The following PLXNA4 variants were observed in gnomAD, a reference collection of about 807,000 sequenced individuals.
The protein encoded by PLXNA4 is plexin A4, also known as plexin-A4.
A neutral mutation model predicts 191.8 loss-of-function variants in PLXNA4; 44 were observed. That is an observed-to-expected ratio of 0.23 (90% CI 0.18 to 0.29). The LOEUF (loss-of-function observed/expected upper bound fraction) is 0.29, where lower values mean the gene tolerates loss of function less well. Ranked by LOEUF, PLXNA4 falls within the 10% of genes least tolerant of loss-of-function variation. The pLI is 1.00. For missense variants in PLXNA4, 1,800 were observed against 2,488.8 expected (o/e 0.72, Z 5.89); for synonymous variants, 1,082 against 1,009.5 (o/e 1.07, Z -1.36).
chr7:132,463,651 T>A (rs977306866), intron 3 of PLXNA4, among the ~76,000 whole-genome samples: 4 of 152,212 alleles, frequency 2.6e-5, no homozygotes, highest in Admixed American at 1.3e-4. Flanking sequence ...TGGACTTCAC[T>A]GCTATTATTT....
At chr7:132,487,753 A>T (rs931837997) in intron 3 of PLXNA4, among the ~76,000 whole-genome samples, 8 of 152,268 alleles carry the variant, frequency 5.3e-5, no homozygotes, top group Non-Finnish European at 1.2e-4. Flanking sequence ...CAAAAATCAG[A>T]CACAGGAGCT....
intron 1 of PLXNA4, among the ~76,000 whole-genome samples, chr7:132,564,849 C>T (rs573024264): frequency 3.2e-4 from 49 of 152,240 alleles, no homozygotes; most frequent in African/African-American, 7.5e-4. Flanking sequence ...GAGATCCCCC[C>T]GGGGACCCAG....
At chr7:132,646,987 T>C (rs11972324) in intron 1 of PLXNA4, among the ~76,000 whole-genome samples, 15,259 of 150,234 alleles carry the variant, frequency 0.1, 1,286 homozygotes, top group East Asian at 0.36. Flanking sequence ...CCACATGCTA[T>C]CATATACACA....
In PLXNA4 at chr7:132,484,937, A is replaced by G. The variant is rs368330529; in HGVS notation, c.1371+4355T>C. On this transcript the variant is annotated intron_variant, in intron 3 of 31. Transcript: ENST00000321063. ...ACACAGCATCTGTTCCTGAGAAGCAATGTTCGCCCCAGGTGGGTCTCCCTC... is the reference window on the plus strand; with the variant it reads ...ACACAGCATCTGTTCCTGAGAAGCAGTGTTCGCCCCAGGTGGGTCTCCCTC... The G allele has an allele frequency of 4.0e-5, 64 of 1,614,048 alleles. No homozygotes were observed. The highest frequency in any genetic ancestry group is 5.1e-5 in the Non-Finnish European group (60 of 1,180,026).
chr7:132,563,094 T>TTCC (rs144617247), intron 1 of PLXNA4, among the ~76,000 whole-genome samples: 14,697 of 33,734 alleles, frequency 0.44, 3,921 homozygotes, highest in Middle Eastern at 0.5. Flanking sequence ...CCTCCTCTTC[T>TTCC]TCCTCCTCCT....
At chr7:132,140,536 T>G in intron 30 of PLXNA4, 63 bp downstream of exon 30, 1 of 1,585,970 alleles carries the variant, frequency 6.3e-7, no homozygotes, top group Non-Finnish European at 8.6e-7. Context: ...AGGGGACCTT[T>G]TGTTGAGGGA....
At chr7:132,282,065 A>T (rs73157255) in intron 4 of PLXNA4, among the ~76,000 whole-genome samples, 7,716 of 152,260 alleles carry the variant, frequency 0.051, 305 homozygotes, top group African/African-American at 0.1. Context: ...TGCATGAATG[A>T]CTGATGCATA....
intron 25 of PLXNA4, among the ~76,000 whole-genome samples, chr7:132,156,173 CACACACACAG>C (rs1795790603): frequency 6.7e-6 from 1 of 149,386 alleles, no homozygotes; most frequent in South Asian, 2.1e-4. Context: ...CACACACACA[CACACACACAG>C]ACGCACACAC....
In PLXNA4 at chr7:132,174,925, C is replaced by A. The variant is rs747637436; in HGVS notation, c.3875-5G>T. 6.2e-7 allele frequency: 1 copy of A among 1,613,818 alleles called. No individual in the cohort carries two copies. Among genetic ancestry groups the A allele is most frequent in the Non-Finnish European group, 8.5e-7 (1 of 1,179,758 alleles). On this transcript the variant is annotated splice_region_variant and splice_polypyrimidine_tract_variant and intron_variant, in intron 20 of 31. Coordinates refer to ENST00000321063, the MANE Select transcript of PLXNA4 (RefSeq NM_020911.2). ...CCGTCTGCAGCTCGGCAAAGGCTGG[C>A]ACGAAGAGAAGCCTGTGAGATGGCT...
intron 3 of PLXNA4, among the ~76,000 whole-genome samples, chr7:132,417,219 AGCC>A (rs1297288790): frequency 2.0e-5 from 3 of 151,958 alleles, no homozygotes; most frequent in African/African-American, 4.8e-5. Flanking sequence ...GCTGTGGGGG[AGCC>A]TCTGACAGCC....
At chr7:132,161,364 G>A (rs1584779061) in intron 24 of PLXNA4, among the ~76,000 whole-genome samples, 1 of 152,260 alleles carries the variant, frequency 6.6e-6, no homozygotes, top group African/African-American at 2.4e-5. Flanking sequence ...CCCCACAGAA[G>A]GACAGAGCCC....
At chr7:132,147,797 A>T in intron 27 of PLXNA4, 103 bp downstream of exon 27, 2 of 1,487,252 alleles carry the variant, frequency 1.3e-6, no homozygotes, top group South Asian at 2.5e-5. Context: ...CTGATGCCCC[A>T]TCTCCCCTCT....
At chr7:132,335,861 CCTTTTTCCCA>C (rs1387619064) in intron 3 of PLXNA4, among the ~76,000 whole-genome samples, 2 of 152,214 alleles carry the variant, frequency 1.3e-5, no homozygotes, top group African/African-American at 4.8e-5. Context: ...TGTCTCAAGA[CCTTTTTCCCA>C]TTCTAGGAGG....
chr7:132,360,278 G>A (rs1803882514), intron 3 of PLXNA4, among the ~76,000 whole-genome samples: 1 of 152,186 alleles, frequency 6.6e-6, no homozygotes, highest in South Asian at 2.1e-4. Context: ...AGGTGGGCCT[G>A]TCCCTCATCC....
intron 3 of PLXNA4, among the ~76,000 whole-genome samples, chr7:132,348,505 A>C (rs530617066): frequency 6.6e-6 from 1 of 152,226 alleles, no homozygotes; most frequent in Non-Finnish European, 1.5e-5. Flanking sequence ...ACCTTTCCAC[A>C]TCATGACACA....
At chr7:132,169,555 C>T (rs2116671474) in intron 21 of PLXNA4, among the ~76,000 whole-genome samples, 1 of 152,292 alleles carries the variant, frequency 6.6e-6, no homozygotes, top group Non-Finnish European at 1.5e-5. Flanking sequence ...AGGATGGGTC[C>T]TGCAAATGTA....
intron 2 of PLXNA4, among the ~76,000 whole-genome samples, chr7:132,624,763 G>A (rs767521140): frequency 1.4e-4 from 22 of 152,224 alleles, no homozygotes; most frequent in Non-Finnish European, 2.5e-4. Flanking sequence ...TGCAAAGGCT[G>A]CCCTATTTAG....
intron 1 of PLXNA4, among the ~76,000 whole-genome samples, chr7:132,545,119 C>T (rs1800243336): frequency 6.6e-6 from 1 of 152,200 alleles, no homozygotes; most frequent in South Asian, 2.1e-4. Context: ...CGGCTTCAGA[C>T]CTGGAATTTA....
chr7:132,282,264 C>T (rs942324444), intron 4 of PLXNA4, among the ~76,000 whole-genome samples: 1 of 152,246 alleles, frequency 6.6e-6, no homozygotes, highest in African/African-American at 2.4e-5. Flanking sequence ...AACTCGTCAT[C>T]TAGCATTAGG....
Sources: allele counts gnomAD v4.1 joint callset (sites outside exome capture counted in the v4.1 genomes callset), GRCh38; gene constraint gnomAD v4.1.1; transcripts MANE v1.5; gene names NCBI Gene and HGNC (gene_info 2026-07-23, HGNC 2026-07-21).